The following PPP2R2B variants were observed in gnomAD, a reference collection of about 807,000 sequenced individuals.
The protein encoded by PPP2R2B is protein phosphatase 2 regulatory subunit Bbeta.
PPP2R2B carries 5 observed loss-of-function variants against 46.0 expected under a neutral mutation model. The ratio of observed to expected loss-of-function variants is 0.11; its 90% CI spans 0.06 to 0.23. The LOEUF is 0.23. Ranked by LOEUF, PPP2R2B falls within the 10% of genes least tolerant of loss-of-function variation. PPP2R2B has a pLI of 1.00. For missense variants in PPP2R2B, 367 were observed against 575.0 expected, an observed-to-expected ratio of 0.64 and a Z score of 3.70; for synonymous variants, 215 against 206.7, an observed-to-expected ratio of 1.04 and a Z score of -0.34.
At chr5:146,885,979 A>G (rs1051673571) in intron 1 of PPP2R2B, among the ~76,000 whole-genome samples, 1 of 152,164 alleles carries the variant, frequency 6.6e-6, no homozygotes, top group Non-Finnish European at 1.5e-5. Context: ...GATAAAAAAA[A>G]AAGGGGTGGG....
At chr5:146,593,783 C>T (rs541836006) in intron 8 of PPP2R2B, among the ~76,000 whole-genome samples, 2 of 152,188 alleles carry the variant, frequency 1.3e-5, no homozygotes, top group South Asian at 4.1e-4. Flanking sequence ...GAGTAAGCAG[C>T]TGGGGGAGAG....
intron 1 of PPP2R2B, among the ~76,000 whole-genome samples, chr5:147,024,199 CT>C (rs1380193835): frequency 4.6e-5 from 7 of 151,858 alleles, no homozygotes; most frequent in African/African-American, 1.7e-4. Context: ...ATCTATCTAT[CT>C]ATCACCTACT....
chr5:147,079,369 AT>A (rs1483456361), intron 2 of PPP2R2B, among the ~76,000 whole-genome samples: 5 of 147,918 alleles, frequency 3.4e-5, no homozygotes, highest in Non-Finnish European at 7.4e-5. Context: ...ATATATATAT[AT>A]ATAATATGTG....
At chr5:146,800,636 TG>T (rs761395932) in intron 2 of PPP2R2B, among the ~76,000 whole-genome samples, 9 of 59,734 alleles carry the variant, frequency 1.5e-4, no homozygotes, top group Non-Finnish European at 1.4e-4. Context: ...TTTTGGGGGG[TG>T]GGGGGGTGGA....
At chr5:146,594,746 C>T (rs1469473068) in intron 8 of PPP2R2B, among the ~76,000 whole-genome samples, 9 of 152,194 alleles carry the variant, frequency 5.9e-5, no homozygotes, top group Non-Finnish European at 1.2e-4. Flanking sequence ...TAGCAACCTG[C>T]CTCCAGCTTG....
chr5:146,808,994 T>TGTGTGTGTGTGTGTGTGC (rs1442659063), intron 2 of PPP2R2B, among the ~76,000 whole-genome samples: 2 of 134,492 alleles, frequency 1.5e-5, no homozygotes, highest in African/African-American at 5.3e-5. Context: ...TGTGTGTGTG[T>TGTGTGTGTGTGTGTGTGC]GCGCGCGCAC....
intron 8 of PPP2R2B, among the ~76,000 whole-genome samples, chr5:146,598,254 G>A (rs1771399996): frequency 6.6e-6 from 1 of 152,156 alleles, no homozygotes; most frequent in Admixed American, 6.5e-5. Flanking sequence ...ATTCAGCAAA[G>A]CATTTGGCAG....
intron 1 of PPP2R2B, among the ~76,000 whole-genome samples, chr5:146,929,392 A>C (rs1180769873): frequency 2.6e-5 from 4 of 152,216 alleles, no homozygotes; most frequent in Admixed American, 1.3e-4. Flanking sequence ...ACAAGTCAGC[A>C]GTGGTTCTAT....
intron 2 of PPP2R2B, among the ~76,000 whole-genome samples, chr5:146,744,471 G>T (rs998425173): frequency 6.6e-6 from 1 of 152,186 alleles, no homozygotes; most frequent in African/African-American, 2.4e-5. Flanking sequence ...CAACACACAG[G>T]CTGGGACTGA....
chr5:147,010,482 T>C (rs1754667666), intron 1 of PPP2R2B, among the ~76,000 whole-genome samples: 1 of 151,972 alleles, frequency 6.6e-6, no homozygotes, highest in Non-Finnish European at 1.5e-5. Context: ...ATGTTGGGGG[T>C]GATGGGAGAC....
chr5:147,048,105 T>G (rs1160672935), intron 1 of PPP2R2B, among the ~76,000 whole-genome samples: 1 of 152,192 alleles, frequency 6.6e-6, no homozygotes, highest in Non-Finnish European at 1.5e-5. Flanking sequence ...TTCTCACGCA[T>G]AGCCAGGGTT....
chr5:146,785,834 C>T (rs1269845878), intron 2 of PPP2R2B, among the ~76,000 whole-genome samples: 1 of 151,938 alleles, frequency 6.6e-6, no homozygotes, highest in African/African-American at 2.4e-5. Context: ...AAGTTGATCT[C>T]ATGGAGGTAG....
rs375914130 is a variant in PPP2R2B at position 146,847,107 on chromosome 5, C to T, written c.70+30895G>A. 4.1e-4 allele frequency among the ~76,000 whole-genome samples: 62 copies of T among 152,266 alleles called. 1 individual carries two copies. In the South Asian group the frequency reaches 0.013, roughly 32 times the overall value. On this transcript the variant is annotated intron_variant, in intron 2 of 9. Coordinates refer to ENST00000394411, the MANE Select transcript of PPP2R2B (RefSeq NM_181675.4). Reference sequence around the variant, plus strand: ...AGAGCTACTACCATCATCTAGGCCACCGTAATCTCTCAACTGATCTGTATG... The same window carrying T: ...AGAGCTACTACCATCATCTAGGCCATCGTAATCTCTCAACTGATCTGTATG...
At chr5:146,609,539 C>T (rs1479003887) in intron 7 of PPP2R2B, among the ~76,000 whole-genome samples, 5 of 151,948 alleles carry the variant, frequency 3.3e-5, no homozygotes, top group African/African-American at 9.7e-5. Flanking sequence ...CCAGCGTGAG[C>T]GACGCAGAAG....
intron 7 of PPP2R2B, among the ~76,000 whole-genome samples, chr5:146,616,381 A>G (rs1773171848): frequency 6.6e-6 from 1 of 152,202 alleles, no homozygotes; most frequent in African/African-American, 2.4e-5. Flanking sequence ...AAAAATGAAC[A>G]AATGGGATCA....
Position 146,589,974 on chromosome 5 carries a change from T to C in PPP2R2B, c.1305A>G (p.Leu435=), listed in dbSNP as rs201706230. The C allele has an allele frequency of 9.3e-6, 15 of 1,613,980 alleles. No individual in the cohort carries two copies. In the African/African-American group the frequency reaches 1.1e-4, roughly 11 times the overall value. ...NIIAVAATNN[L]YIFQDKVN ...AGTTAACCTTGTCCTGGAATATATA[T>C]AGGTTATTTGTAGCCGCCACTGCTA... is the stretch of plus-strand genomic sequence containing the variant. The change falls in exon 10 of 10, where the codon CTA becomes CTG. Residue 435 remains leucine, a synonymous_variant. Coordinates refer to ENST00000394411, the MANE Select transcript of PPP2R2B (RefSeq NM_181675.4).
chr5:146,777,516 G>A (rs190969501), intron 2 of PPP2R2B, among the ~76,000 whole-genome samples: 2 of 152,212 alleles, frequency 1.3e-5, no homozygotes, highest in Admixed American at 1.3e-4. Flanking sequence ...TCTGTTTGGG[G>A]TAATGAGTAT....
At chr5:146,792,593 G>A (rs1756269893) in intron 2 of PPP2R2B, among the ~76,000 whole-genome samples, 1 of 152,194 alleles carries the variant, frequency 6.6e-6, no homozygotes, top group Non-Finnish European at 1.5e-5. Context: ...AGATCAGAAA[G>A]ACTAAAGGTG....
chr5:147,018,800 C>G lies in PPP2R2B; in HGVS notation c.79+36865G>C, dbSNP rs185880171. Among the ~76,000 whole-genome samples the G allele has an allele frequency of 2.2e-3, 329 of 152,244 alleles. 3 individuals are homozygous for G. The highest frequency in any genetic ancestry group is 2.6e-3 in the Non-Finnish European group (174 of 68,020). On this transcript the variant is annotated intron_variant, in intron 1 of 8. Transcript: ENST00000336640. ...TTTAAAACAAATATTTAGTGATGTC[C>G]TCCTGGTGCCAGACCCAACACTAGG... is the stretch of plus-strand genomic sequence containing the variant.
Sources: gnomAD v4.1 joint callset for allele counts (sites outside exome capture counted in the v4.1 genomes callset) on GRCh38, gnomAD v4.1.1 for gene constraint, MANE v1.5 for transcripts, NCBI Gene and HGNC (gene_info 2026-07-23, HGNC 2026-07-21) for gene names.